Variants in CNTNAP4 observed in about 807,000 individuals in gnomAD.
CNTNAP4 encodes the protein contactin associated protein family member 4, also known as contactin-associated protein-like 4.
In CNTNAP4, 98 loss-of-function variants were observed where a neutral mutation model predicts 148.4. That is an observed-to-expected ratio of 0.66 (90% CI 0.56 to 0.78). The LOEUF (loss-of-function observed/expected upper bound fraction) is 0.78. Ranked by LOEUF, CNTNAP4 falls within the 30% of genes least tolerant of loss-of-function variation. The pLI, the probability that CNTNAP4 is intolerant of heterozygous loss-of-function variation, is 0.00. For synonymous variants in CNTNAP4, 730 were observed against 565.1 expected (o/e 1.29, Z -4.14); for missense variants, 1,935 against 1,565.6 (o/e 1.24, Z -3.98).
intron 7 of CNTNAP4, among the ~76,000 whole-genome samples, chr16:76,451,599 ATGTGTGTGTG>A (rs71134761): frequency 7.1e-5 from 10 of 141,258 alleles, no homozygotes; most frequent in East Asian, 4.2e-4. Flanking sequence ...TTTTAGATAG[ATGTGTGTGTG>A]TGTGTGTGTG....
intron 17 of CNTNAP4, among the ~76,000 whole-genome samples, chr16:76,534,891 A>G (rs1241067965): frequency 6.6e-6 from 1 of 152,172 alleles, no homozygotes; most frequent in East Asian, 1.9e-4. Context: ...TATTCAATAA[A>G]CGTTACCGTT....
At chr16:76,357,077 A>ACACC (rs768835532) in intron 3 of CNTNAP4, among the ~76,000 whole-genome samples, 2,101 of 151,968 alleles carry the variant, frequency 0.014, 63 homozygotes, top group African/African-American at 0.048. Context: ...ACACACACAC[A>ACACC]CACACCCCAA....
At chr16:76,380,153 A>T (rs560406653) in intron 3 of CNTNAP4, among the ~76,000 whole-genome samples, 1 of 152,350 alleles carries the variant, frequency 6.6e-6, no homozygotes, top group South Asian at 2.1e-4. Flanking sequence ...TAAAGGCCCT[A>T]TGCATTTAGA....
chr16:76,355,500 G>A lies in CNTNAP4; in HGVS notation c.379G>A (p.Asp127Asn). The change falls in exon 3 of 24, where the codon GAC (aspartate) becomes AAC (asparagine). Residue 127 changes from aspartate (D) to asparagine (N), a missense_variant. Physicochemically the swap from Asp to Asn is conservative, Grantham distance 23 (BLOSUM62 1). Coordinates refer to ENST00000611870, the MANE Select transcript of CNTNAP4 (RefSeq NM_033401.5). ...GAACTGGAAACAATATCGCCAAGAG[G>A]ACAGCATCTGGGTATGTTCTTTAAC... ...GWNWKQYRQE[D>N]SIWGFSGNAN... is the part of the protein sequence containing the mutation. 6.2e-7 allele frequency: 1 copy of A among 1,607,348 alleles called. No homozygotes were observed. Among genetic ancestry groups the A allele is most frequent in the Non-Finnish European group, 8.5e-7 (1 of 1,176,742 alleles).
chr16:76,360,992 T>C (rs955855863), intron 3 of CNTNAP4, among the ~76,000 whole-genome samples: 1 of 151,860 alleles, frequency 6.6e-6, no homozygotes, highest in Admixed American at 6.6e-5. Context: ...AATTTTTTTT[T>C]TTTTGTATTT....
intron 15 of CNTNAP4, among the ~76,000 whole-genome samples, chr16:76,511,841 G>GAA (rs1176572034): frequency 2.0e-5 from 3 of 150,212 alleles, no homozygotes; most frequent in African/African-American, 7.3e-5. Flanking sequence ...TTTTCTTGGA[G>GAA]AGAGAGAGAG....
intron 2 of CNTNAP4, among the ~76,000 whole-genome samples, chr16:76,346,856 G>C (rs966725195): frequency 6.6e-6 from 1 of 152,042 alleles, no homozygotes; most frequent in Non-Finnish European, 1.5e-5. Flanking sequence ...ACTTTTCAAA[G>C]CACTGCATTA....
chr16:76,427,020 C>A (rs955759844), intron 3 of CNTNAP4, among the ~76,000 whole-genome samples: 4 of 152,154 alleles, frequency 2.6e-5, no homozygotes, highest in African/African-American at 9.7e-5. Context: ...CAAAAGACAT[C>A]ATAGCTTAAT....
intron 21 of CNTNAP4, among the ~76,000 whole-genome samples, chr16:76,546,920 G>T (rs1177285268): frequency 1.3e-5 from 2 of 152,122 alleles, no homozygotes; most frequent in Non-Finnish European, 2.9e-5. Context: ...CTTGATATCT[G>T]CTTCTAATGC....
chr16:76,420,545 A>T (rs2079152505), intron 3 of CNTNAP4, among the ~76,000 whole-genome samples: 1 of 151,814 alleles, frequency 6.6e-6, no homozygotes, highest in African/African-American at 2.4e-5. Flanking sequence ...CTTTCCCTTT[A>T]TCCTAAAAAG....
chr16:76,401,654 C>G (rs2078422277), intron 3 of CNTNAP4, among the ~76,000 whole-genome samples: 1 of 152,124 alleles, frequency 6.6e-6, no homozygotes, highest in Admixed American at 6.5e-5. Flanking sequence ...AGCTATGGCC[C>G]ATTCACTGTA....
At chr16:76,510,506 G>A (rs190653083) in intron 15 of CNTNAP4, among the ~76,000 whole-genome samples, 1 of 151,468 alleles carries the variant, frequency 6.6e-6, no homozygotes, top group East Asian at 2.0e-4. Context: ...TTTCTCTTCG[G>A]TATGTACCTA....
intron 3 of CNTNAP4, among the ~76,000 whole-genome samples, chr16:76,363,780 G>A (rs1214594529): frequency 1.3e-5 from 2 of 152,070 alleles, no homozygotes; most frequent in Non-Finnish European, 2.9e-5. Flanking sequence ...TTTTAAATAT[G>A]ACCTCAATCA....
Position 76,400,256 on chromosome 16 carries a change from T to C in CNTNAP4, c.391-27196T>C, listed in dbSNP as rs1443559961. On this transcript the variant is annotated intron_variant, in intron 3 of 23. Coordinates refer to ENST00000611870, the MANE Select transcript of CNTNAP4 (RefSeq NM_033401.5). Reference sequence around the variant, plus strand: ...GTGCAATGTGATGTTTTGATACTTATATACATTGTGGAATGATGAAACATA... The same window carrying C: ...GTGCAATGTGATGTTTTGATACTTACATACATTGTGGAATGATGAAACATA... Among the ~76,000 whole-genome samples, 4 of 152,214 alleles carry C rather than the reference T, an allele frequency of 2.6e-5. No homozygotes were observed. The East Asian group carries it at 5.8e-4, about 22-fold the overall frequency.
chr16:76,367,415 G>C (rs1042293344), intron 3 of CNTNAP4, among the ~76,000 whole-genome samples: 1 of 151,998 alleles, frequency 6.6e-6, no homozygotes, highest in Non-Finnish European at 1.5e-5. Context: ...AGGAAAAGAT[G>C]AAAAATTAGA....
intron 3 of CNTNAP4, among the ~76,000 whole-genome samples, chr16:76,404,094 A>G (rs1453629781): frequency 6.6e-6 from 1 of 152,154 alleles, no homozygotes; most frequent in East Asian, 1.9e-4. Context: ...ACTATTGGGT[A>G]CCAGGCGTAA....
At position 76,302,171 on chromosome 16, in the gene CNTNAP4, C is replaced by G. The variant is rs140514275; in HGVS notation, c.86-14242C>G. ...TGGCGAGGCCTTCAGCTACCATGGA[C>G]TTCAGCTTCATAGAAAAAGGAAAAA... On this transcript the variant is annotated intron_variant, in intron 1 of 23. Transcript: ENST00000611870. Among the ~76,000 whole-genome samples the G allele has an allele frequency of 8.2e-3, 1,252 of 152,158 alleles. 15 individuals are homozygous for G. The highest frequency in any genetic ancestry group is 0.029 in the African/African-American group (1,191 of 41,508).
chr16:76,480,528 A>G (rs1050319411), intron 12 of CNTNAP4, among the ~76,000 whole-genome samples: 35 of 152,154 alleles, frequency 2.3e-4, no homozygotes, highest in Non-Finnish European at 5.1e-4. Context: ...TCATGAAGTT[A>G]AGAGATTGAG....
intron 3 of CNTNAP4, among the ~76,000 whole-genome samples, chr16:76,390,596 T>G (rs2016897000): frequency 6.6e-6 from 1 of 151,434 alleles, no homozygotes; most frequent in African/African-American, 2.4e-5. Flanking sequence ...AAGCCCTGCT[T>G]GTTTTAAGCA....
Sources: gnomAD v4.1 joint callset for allele counts (sites outside exome capture counted in the v4.1 genomes callset) on GRCh38, gnomAD v4.1.1 for gene constraint, MANE v1.5 for transcripts, NCBI Gene and HGNC (gene_info 2026-07-23, HGNC 2026-07-21) for gene names.